The following CAAP1 variants were observed in gnomAD, a reference collection of about 807,000 sequenced individuals.
CAAP1 encodes caspase activity and apoptosis inhibitor 1, also known as conserved anti-apoptotic protein.
A neutral mutation model predicts 34.0 loss-of-function variants in CAAP1; 20 were observed. The ratio of observed to expected loss-of-function variants is 0.59; its 90% CI spans 0.41 to 0.86. The LOEUF is 0.86. CAAP1 is among the 40% of genes least tolerant of loss of function. CAAP1 has a pLI of 0.00. For missense variants in CAAP1, 538 were observed against 450.5 expected, an observed-to-expected ratio of 1.19 and a Z score of -1.76; for synonymous variants, 213 against 166.7, an observed-to-expected ratio of 1.28 and a Z score of -2.14.
Position 26,892,472 on chromosome 9 carries a change from T to C in CAAP1, c.244A>G (p.Ser82Gly). ...SCWGGSSVER[S>G]ERRKRRSTDS... ...GTACTCCTCCGCTTCCGGCGCTCGC[T>C]GCGCTCCACGCTGCTCCCGCCCCAA... is the stretch of plus-strand genomic sequence containing the variant. The change falls in exon 1 of 6, where the codon AGC (serine) becomes GGC (glycine). Residue 82 changes from serine (S) to glycine (G), a missense_variant. This residue lies in a region of CAAP1 where 514 missense variants were observed against 408.4 expected (regional missense o/e 1.26). Coordinates refer to ENST00000333916, the MANE Select transcript of CAAP1 (RefSeq NM_024828.4). 6.4e-7 allele frequency: 1 copy of C among 1,564,714 alleles called. No individual in the cohort carries two copies. The highest frequency in any genetic ancestry group is 1.2e-5 in the South Asian group (1 of 86,208).
intron 3 of CAAP1, among the ~76,000 whole-genome samples, 186 bp from the exon 4 acceptor site, chr9:26,885,071 T>C (rs920122849): frequency 4.0e-5 from 6 of 150,822 alleles, no homozygotes; most frequent in South Asian, 2.1e-4. Flanking sequence ...GTATTTCTCA[T>C]TGCTTTTTTT....
In CAAP1 at chr9:26,886,207, T is replaced by TA. The variant is rs1347602126; in HGVS notation, c.505-20dup. The TA allele has an allele frequency of 1.1e-5, 14 of 1,315,054 alleles. No homozygotes were observed. The highest frequency in any genetic ancestry group is 2.3e-4 in the Middle Eastern group (1 of 4,280). 81.5% of individuals were successfully genotyped at this position (1,315,054 alleles called of 1,614,324 possible). A position where few individuals can be genotyped will look rare whatever the true frequency, so the allele number is the denominator to read the frequency against. On this transcript the variant is annotated intron_variant, in intron 2 of 5. Coordinates refer to ENST00000333916, the MANE Select transcript of CAAP1 (RefSeq NM_024828.4). ...AACAGTTCTAAAGGAAATGACATTT[T>TA]AAAAAAATGCATTTATGTAACACAG...
At chr9:26,876,261 T>A (rs1310377077) in intron 4 of CAAP1, among the ~76,000 whole-genome samples, 2 of 152,216 alleles carry the variant, frequency 1.3e-5, no homozygotes, top group African/African-American at 4.8e-5. Flanking sequence ...GACTGTCTTA[T>A]CTCCCTCTTA....
intron 5 of CAAP1, among the ~76,000 whole-genome samples, chr9:26,845,082 T>C (rs1055506904): frequency 6.6e-6 from 1 of 152,256 alleles, no homozygotes; most frequent in African/African-American, 2.4e-5. Context: ...TGTGAAAGTG[T>C]CATCCTGCTA....
At chr9:26,875,520 CTA>C (rs994569599) in intron 4 of CAAP1, among the ~76,000 whole-genome samples, 6 of 152,186 alleles carry the variant, frequency 3.9e-5, no homozygotes, top group Admixed American at 2.0e-4. Context: ...TTGCTTTAAT[CTA>C]GACATATTTG....
intron 5 of CAAP1, among the ~76,000 whole-genome samples, chr9:26,858,468 T>C (rs1339817962): frequency 1.3e-5 from 2 of 152,180 alleles, no homozygotes; most frequent in Admixed American, 6.5e-5. Flanking sequence ...TAAAACATTT[T>C]ATATTTTAAT....
intron 4 of CAAP1, among the ~76,000 whole-genome samples, chr9:26,876,761 T>C (rs1823444088): frequency 6.6e-6 from 1 of 152,130 alleles, no homozygotes; most frequent in South Asian, 2.1e-4. Context: ...TCCAAAATGC[T>C]CCAAAATATG....
intron 1 of CAAP1, chr9:26,892,210 G>T (rs1175391757): frequency 5.1e-6 from 7 of 1,385,704 alleles, no homozygotes; most frequent in South Asian, 1.5e-5. Context: ...AGGAAATCCA[G>T]AAACTTGAAG....
chr9:26,846,462 GAA>G (rs1005881141), intron 5 of CAAP1, among the ~76,000 whole-genome samples: 10 of 129,434 alleles, frequency 7.7e-5, no homozygotes, highest in African/African-American at 2.8e-4. Context: ...AAAGAAAAAA[GAA>G]AGACTTACAC....
intron 4 of CAAP1, among the ~76,000 whole-genome samples, chr9:26,877,264 G>C (rs1424641424): frequency 1.3e-5 from 2 of 152,078 alleles, no homozygotes; most frequent in Non-Finnish European, 2.9e-5. Context: ...CAAGATATCA[G>C]TATGTATATG....
At chr9:26,863,172 A>G (rs1823044370) in intron 4 of CAAP1, among the ~76,000 whole-genome samples, 1 of 152,166 alleles carries the variant, frequency 6.6e-6, no homozygotes. Context: ...TCTCATAAAC[A>G]ATTTAGTTTA....
At chr9:26,858,466 T>C (rs1822923363) in intron 5 of CAAP1, among the ~76,000 whole-genome samples, 1 of 152,182 alleles carries the variant, frequency 6.6e-6, no homozygotes, top group Non-Finnish European at 1.5e-5. Flanking sequence ...AATAAAACAT[T>C]TTATATTTTA....
intron 2 of CAAP1, 68 bp downstream of exon 2, chr9:26,887,245 A>T: frequency 9.5e-7 from 1 of 1,055,068 alleles, no homozygotes; most frequent in Non-Finnish European, 1.3e-6. Flanking sequence ...CATTAAGTAA[A>T]ACAAAAAATT....
At chr9:26,863,543 T>C (rs1384790184) in intron 4 of CAAP1, among the ~76,000 whole-genome samples, 1 of 152,116 alleles carries the variant, frequency 6.6e-6, no homozygotes, top group Non-Finnish European at 1.5e-5. Flanking sequence ...TTTTTATTTC[T>C]AGTTTTATGA....
At chr9:26,875,417 A>AAAAAAC (rs1823405151) in intron 4 of CAAP1, among the ~76,000 whole-genome samples, 1 of 152,174 alleles carries the variant, frequency 6.6e-6, no homozygotes, top group Non-Finnish European at 1.5e-5. Flanking sequence ...ACCCTGTCTC[A>AAAAAAC]AAAAACAAAA....
In CAAP1 at chr9:26,884,879, T is replaced by C. The variant is rs138540709; in HGVS notation, c.596A>G (p.Asn199Ser). ...KKILKILEGD[N>S]GMDSDMEEEA... ...CTCTTCCATATCAGAGTCCATTCCA[T>C]TGTCACCTTATAAATGAAAGAAACT... Residue 199 changes from asparagine to serine, a missense_variant, in exon 4 of 6, where the codon AAT becomes AGT. Physicochemically the swap from Asn to Ser is conservative, Grantham distance 46. Coordinates refer to ENST00000333916, the MANE Select transcript of CAAP1 (RefSeq NM_024828.4). 21 of 1,604,832 alleles carry C rather than the reference T, an allele frequency of 1.3e-5. No individual in the cohort carries two copies. In the African/African-American group the frequency reaches 1.3e-4, roughly 10 times the overall value.
intron 4 of CAAP1, among the ~76,000 whole-genome samples, chr9:26,864,135 G>T (rs1192308518): frequency 1.3e-5 from 2 of 151,952 alleles, no homozygotes; most frequent in African/African-American, 2.4e-5. Flanking sequence ...TACAAGCTTG[G>T]CATTGAATCA....
intron 4 of CAAP1, 86 bp from the exon 5 acceptor site, chr9:26,861,225 A>C: frequency 1.1e-6 from 1 of 890,726 alleles, no homozygotes; most frequent in Non-Finnish European, 1.8e-6. Context: ...TAAGTTAGGC[A>C]CTAGGGAAGA....
At chr9:26,868,087 T>G (rs17694140) in intron 4 of CAAP1, among the ~76,000 whole-genome samples, 5,487 of 152,324 alleles carry the variant, frequency 0.036, 163 homozygotes, top group South Asian at 0.098. Context: ...CTGCTTTTAT[T>G]TGAAAGTCAA....
Sources: allele counts gnomAD v4.1 joint callset (sites outside exome capture counted in the v4.1 genomes callset), GRCh38; gene constraint gnomAD v4.1.1; regional missense constraint gnomAD v4.1.1; transcripts MANE v1.5; gene names NCBI Gene and HGNC (gene_info 2026-07-23, HGNC 2026-07-21).